The following AHSG variants were observed in gnomAD, a reference collection of about 807,000 sequenced individuals.
The protein encoded by AHSG is alpha-2-HS-glycoprotein.
In AHSG, 23 loss-of-function variants were observed where a neutral mutation model predicts 30.1. The observed-to-expected ratio is 0.76, with a 90% CI of 0.55 to 1.08. The LOEUF is 1.08. AHSG is among the 50% of genes least tolerant of loss of function. The pLI, the probability that AHSG is intolerant of heterozygous loss-of-function variation, is 0.00. For missense variants in AHSG, 469 were observed against 459.5 expected (o/e 1.02, Z -0.19); for synonymous variants, 164 against 186.3 (o/e 0.88, Z 0.98).
intron 3 of AHSG, 136 bp from the exon 4 acceptor site, chr3:186,617,050 CT>C: frequency 1.3e-6 from 2 of 1,493,122 alleles, no homozygotes; most frequent in Non-Finnish European, 1.8e-6. Context: ...TAGCAAAAGC[CT>C]TTTGAAGGTT....
At chr3:186,616,056 C>T (rs757709518) in intron 2 of AHSG, among the ~76,000 whole-genome samples, 2 of 152,098 alleles carry the variant, frequency 1.3e-5, no homozygotes, top group Non-Finnish European at 2.9e-5. Flanking sequence ...ATTAGCTGGA[C>T]GTGGTGACGG....
chr3:186,620,903 G>A lies in AHSG; in HGVS notation c.1077G>A (p.Pro359=), dbSNP rs770177604. Residue 359 remains proline, a synonymous_variant, in exon 7 of 7, where the codon CCG becomes CCA. Transcript: ENST00000411641. ...CTGGGCCAGTGGTTCCTCCATGTCC[G>A]GGGAGGATCAGACACTTCAAGGTCT... is the stretch of plus-strand genomic sequence containing the variant. ...AAAGPVVPPC[P]GRIRHFKV 6.1e-5 allele frequency: 99 copies of A among 1,613,656 alleles called. No homozygotes were observed. The highest frequency in any genetic ancestry group is 8.9e-5 in the East Asian group (4 of 44,894).
chr3:186,613,282 C>T lies in AHSG; in HGVS notation c.141C>T (p.Tyr47=). 6.2e-7 allele frequency: 1 copy of T among 1,614,192 alleles called. No homozygotes were observed. The highest frequency in any genetic ancestry group is 8.5e-7 in the Non-Finnish European group (1 of 1,180,030). ...TEEAALVAID[Y]INQNLPWGYK... ...AAGCAGCTCTGGTGGCTATAGACTA[C>T]ATCAATCAAAACCTTCCTTGGGGAT... The change falls in exon 1 of 7, where the codon TAC becomes TAT. Residue 47 remains tyrosine (Y), a synonymous_variant. Coordinates refer to ENST00000411641, the MANE Select transcript of AHSG (RefSeq NM_001622.4).
At chr3:186,619,969 C>G (rs369319525) in intron 6 of AHSG, 29 bp downstream of exon 6, 1 of 1,556,218 alleles carries the variant, frequency 6.4e-7, no homozygotes, top group Middle Eastern at 1.7e-4. Flanking sequence ...TTCTTGCCTA[C>G]ACCTTCAGAA....
intron 5 of AHSG, 90 bp downstream of exon 5, chr3:186,618,727 C>A: frequency 6.5e-7 from 1 of 1,528,156 alleles, no homozygotes; most frequent in Non-Finnish European, 8.9e-7. Flanking sequence ...CTTGGGGCTG[C>A]AGACAGAGAA....
chr3:186,620,576 C>T lies in AHSG; in HGVS notation c.760-10C>T. The T allele has an allele frequency of 6.3e-7, 1 of 1,581,638 alleles. No individual in the cohort carries two copies. The highest frequency in any genetic ancestry group is 8.6e-7 in the Non-Finnish European group (1 of 1,157,986). On this transcript the variant is annotated splice_polypyrimidine_tract_variant and intron_variant, in intron 6 of 6. Coordinates refer to ENST00000411641, the MANE Select transcript of AHSG (RefSeq NM_001622.4). ...AGCAAACTAACTGAAGGAAATGGTC[C>T]TTTTTCCAGCCCGTGAGCTCACAGC...
chr3:186,620,830 A>ACC lies in AHSG; in HGVS notation c.1008_1009dup (p.Arg337ProfsTer74). 1 of 1,613,998 alleles carries ACC rather than the reference A, an allele frequency of 6.2e-7. No individual in the cohort carries two copies. The highest frequency in any genetic ancestry group is 1.7e-5 in the Admixed American group (1 of 60,006). On this transcript the variant is annotated frameshift_variant, in exon 7 of 7. Transcript: ENST00000411641. LOFTEE classifies it low-confidence loss of function (END_TRUNC). ...GGGTCACCCTCAGGAGAAGTGTCGCACCCCCGGAAAACACGCACAGTGGTG... is the reference window on the plus strand; with the variant it reads ...GGGTCACCCTCAGGAGAAGTGTCGCACCCCCCCGGAAAACACGCACAGTGGTG...
chr3:186,616,292 T>C, intron 2 of AHSG, 151 bp from the exon 3 acceptor site: 1 of 602,228 alleles, frequency 1.7e-6, no homozygotes, highest in South Asian at 2.2e-5. Context: ...AACTATATCG[T>C]TGTATCCCTG....
At position 186,618,349 on chromosome 3, in the gene AHSG, A is replaced by G. The variant is rs200295722; in HGVS notation, c.574-187A>G. Among the ~76,000 whole-genome samples, 15 of 152,272 alleles carry G rather than the reference A, an allele frequency of 9.9e-5. No individual in the cohort carries two copies. The East Asian group carries it at 2.9e-3, about 29-fold the overall frequency. On this transcript the variant is annotated intron_variant, in intron 4 of 6. Coordinates refer to ENST00000411641, the MANE Select transcript of AHSG (RefSeq NM_001622.4). ...AAGACACAACCCCTACCTCTAAAGC[A>G]CAAGCACTTGAGAACACAACCCCAT... is the stretch of plus-strand genomic sequence containing the variant.
intron 5 of AHSG, among the ~76,000 whole-genome samples, 193 bp downstream of exon 5, chr3:186,618,830 A>C (rs761056941): frequency 2.6e-5 from 4 of 151,980 alleles, no homozygotes; most frequent in Non-Finnish European, 4.4e-5. Context: ...AAATCATCTC[A>C]CCCACTGGAA....
Position 186,615,756 on chromosome 3 carries a change from C to T in AHSG, c.285C>T (p.Thr95=), listed in dbSNP as rs1167458601. 6.2e-7 allele frequency: 1 copy of T among 1,614,232 alleles called. No homozygotes were observed. ...CCACCTGCCATGTGCTGGACCCCACCCCTGTGGCAAGATGCAGCGTGAGGC... is the reference window on the plus strand; with the variant it reads ...CCACCTGCCATGTGCTGGACCCCACTCCTGTGGCAAGATGCAGCGTGAGGC... ...LETTCHVLDP[T]PVARCSVRQL... is the part of the protein sequence containing the mutation. Residue 95 remains threonine, a synonymous_variant, in exon 2 of 7, where the codon ACC becomes ACT. Coordinates refer to ENST00000411641, the MANE Select transcript of AHSG (RefSeq NM_001622.4).
chr3:186,616,402 A>G (rs1208895775), intron 2 of AHSG, 41 bp from the exon 3 acceptor site: 3 of 1,564,346 alleles, frequency 1.9e-6, no homozygotes, highest in Non-Finnish European at 2.6e-6. Flanking sequence ...CGGGGTGCGA[A>G]GGGGAAGGGC....
At chr3:186,620,538 C>T in intron 6 of AHSG, 48 bp from the exon 7 acceptor site, 2 of 1,517,796 alleles carry the variant, frequency 1.3e-6, no homozygotes, top group Non-Finnish European at 1.8e-6. Context: ...GGTTGTCTTG[C>T]CTGGGAGGAG....
At chr3:186,617,539 C>T in intron 4 of AHSG, 189 bp downstream of exon 4, 1 of 1,095,386 alleles carries the variant, frequency 9.1e-7, no homozygotes, top group Non-Finnish European at 1.3e-6. Context: ...CATGAGGACC[C>T]CAACACCCTC....
At position 186,617,358 on chromosome 3, in the gene AHSG, C is replaced by T. The variant is rs1244951634; in HGVS notation, c.573+8C>T. The stretch of plus-strand genomic sequence containing the variant: ...TCCCGGGCTCAGCTTGTGGTAAAGA[C>T]TGAGATTCTTTTGACAGGTTGGGCA... On this transcript the variant is annotated splice_region_variant and intron_variant, in intron 4 of 6. Coordinates refer to ENST00000411641, the MANE Select transcript of AHSG (RefSeq NM_001622.4). 1 of 1,614,210 alleles carries T rather than the reference C, an allele frequency of 6.2e-7. No individual in the cohort carries two copies. Among genetic ancestry groups the T allele is most frequent in the East Asian group, 2.2e-5 (1 of 44,894 alleles).
chr3:186,619,821 A>G, intron 5 of AHSG, 36 bp from the exon 6 acceptor site: 1 of 1,549,862 alleles, frequency 6.5e-7, no homozygotes, highest in South Asian at 1.2e-5. Context: ...CCATTTTTGA[A>G]ATTAGTTAAA....
intron 4 of AHSG, 139 bp downstream of exon 4, chr3:186,617,489 G>A (rs2108501834): frequency 6.7e-7 from 1 of 1,486,780 alleles, no homozygotes; most frequent in Non-Finnish European, 9.2e-7. Context: ...GTTTGGAAAG[G>A]GAAGAAAGCA....
Position 186,613,305 on chromosome 3 carries a change from G to C in AHSG, c.164G>C (p.Gly55Ala), listed in dbSNP as rs570498140. 6.2e-7 allele frequency: 1 copy of C among 1,614,178 alleles called. No individual in the cohort carries two copies. Among genetic ancestry groups the C allele is most frequent in the East Asian group, 2.2e-5 (1 of 44,884 alleles). The change falls in exon 1 of 7, where the codon GGA becomes GCA. Residue 55 changes from glycine to alanine, a missense_variant. Transcript: ENST00000411641. ...TACATCAATCAAAACCTTCCTTGGG[G>C]ATACAAACACACCTTGAACCAGATT... ...IDYINQNLPW[G>A]YKHTLNQIDE... is the part of the protein sequence containing the mutation.
At position 186,613,159 on chromosome 3, in the gene AHSG, G is replaced by A; in HGVS notation, c.18G>A (p.Leu6=). 6.2e-7 allele frequency: 1 copy of A among 1,614,024 alleles called. No homozygotes were observed. Among genetic ancestry groups the A allele is most frequent in the Non-Finnish European group, 8.5e-7 (1 of 1,179,998 alleles). The change falls in exon 1 of 7, where the codon CTG becomes CTA. Residue 6 remains leucine, a synonymous_variant. Transcript: ENST00000411641. MKSLV[L]LLCLAQLWGC... ...GGGCAGCCATGAAGTCCCTCGTCCTGCTCCTTTGTCTTGCTCAGCTCTGGG... is the reference window on the plus strand; with the variant it reads ...GGGCAGCCATGAAGTCCCTCGTCCTACTCCTTTGTCTTGCTCAGCTCTGGG...
Sources: allele counts gnomAD v4.1 joint callset (sites outside exome capture counted in the v4.1 genomes callset), GRCh38; gene constraint gnomAD v4.1.1; transcripts MANE v1.5; gene names NCBI Gene and HGNC (gene_info 2026-07-23, HGNC 2026-07-21).